KIAA1217: variants seen among roughly 807,000 people sequenced by gnomAD.
The protein encoded by KIAA1217 is KIAA1217.
Under a neutral mutation model 163.9 loss-of-function variants are expected in KIAA1217, and 88 were observed. The observed-to-expected ratio is 0.54, with a 90% CI of 0.45 to 0.64. The LOEUF is 0.64. Among genes scored for constraint, KIAA1217 ranks in the 30% least tolerant of loss-of-function variants. The pLI is 0.00. For missense variants in KIAA1217, 2,372 were observed against 2,475.0 expected (o/e 0.96, Z 0.88); for synonymous variants, 903 against 923.1 (o/e 0.98, Z 0.39).
chr10:24,546,171 TTCCTCCTCCCC>T lies in KIAA1217; in HGVS notation c.5684_5694del (p.Ser1895PhefsTer52), dbSNP rs770943769. 4 of 1,614,018 alleles carry T rather than the reference TTCCTCCTCCCC, an allele frequency of 2.5e-6. No individual in the cohort carries two copies. The highest frequency in any genetic ancestry group is 3.4e-6 in the Non-Finnish European group (4 of 1,180,038). ...GCCGAGCACCCCCTCCTTTGTCATT[TTCCTCCTCCCC>T]TCCTTCTCCTGCCTCCTCCGTCTCA... On this transcript the variant is annotated frameshift_variant, in exon 21 of 21. Coordinates refer to ENST00000376454, the MANE Select transcript of KIAA1217 (RefSeq NM_019590.5). LOFTEE classifies it high-confidence loss of function.
At chr10:24,413,516 CT>C (rs376108342) in intron 3 of KIAA1217, among the ~76,000 whole-genome samples, 4 of 152,282 alleles carry the variant, frequency 2.6e-5, no homozygotes, top group African/African-American at 9.6e-5. Flanking sequence ...TTGACCTCAT[CT>C]TGTCACACCT....
chr10:24,042,562 C>T (rs139913003), intron 2 of KIAA1217: 2 of 152,216 alleles, frequency 1.3e-5, no homozygotes, highest in South Asian at 4.2e-4. Flanking sequence ...CAATACTGAC[C>T]GGTAACTTCA....
chr10:24,156,039 T>C lies in KIAA1217; in HGVS notation c.-170-63587T>C, dbSNP rs1232834835. Among the ~76,000 whole-genome samples the C allele has an allele frequency of 2.0e-5, 3 of 152,284 alleles. 1 individual carries two copies. Among genetic ancestry groups the C allele is most frequent in the South Asian group, 2.1e-4 (1 of 4,826 alleles). On this transcript the variant is annotated intron_variant, in intron 2 of 18. Transcript: ENST00000376462. ...TTAGTAACTGCACACATTTAAATTT[T>C]CCCATTTGATAAACCTCAACGTATG...
At chr10:24,345,197 C>T (rs189255848) in intron 2 of KIAA1217, among the ~76,000 whole-genome samples, 2 of 152,308 alleles carry the variant, frequency 1.3e-5, no homozygotes, top group African/African-American at 4.8e-5. Context: ...CATTTTCCTC[C>T]TAACACACAC....
chr10:24,418,509 T>TA (rs1438841135), intron 3 of KIAA1217, among the ~76,000 whole-genome samples: 16 of 152,176 alleles, frequency 1.1e-4, no homozygotes, highest in South Asian at 4.1e-4. Flanking sequence ...GCAAATTACA[T>TA]AAAAAATAGC....
At chr10:23,801,536 C>T (rs1836467531) in intron 1 of KIAA1217, among the ~76,000 whole-genome samples, 1 of 152,204 alleles carries the variant, frequency 6.6e-6, no homozygotes, top group Non-Finnish European at 1.5e-5. Flanking sequence ...GATAGTCTGA[C>T]TCCATCCAAG....
rs980471415 is a variant in KIAA1217 at position 24,335,607 on chromosome 10, TATTTATTTATTTATTTATTG to T, written c.355-45261_355-45242del. On this transcript the variant is annotated intron_variant, in intron 2 of 20. Transcript: ENST00000376454. Reference sequence around the variant, plus strand: ...TATTTTATTTATTTATTTATTTATTTATTTATTTATTTATTTATTGGAGATGGAGTCTCGTTCTGTCGCCC... The same window carrying T: ...TATTTTATTTATTTATTTATTTATTTGAGATGGAGTCTCGTTCTGTCGCCC... Among the ~76,000 whole-genome samples, 31 of 145,440 alleles carry T rather than the reference TATTTATTTATTTATTTATTG, an allele frequency of 2.1e-4. No individual in the cohort carries two copies. In the South Asian group the frequency reaches 3.4e-3, roughly 16 times the overall value.
At chr10:24,329,028 C>T (rs1160416199) in intron 2 of KIAA1217, among the ~76,000 whole-genome samples, 1 of 148,264 alleles carries the variant, frequency 6.7e-6, no homozygotes, top group East Asian at 2.0e-4. Flanking sequence ...TAGCACATAG[C>T]ATATACTATA....
chr10:23,997,394 G>A (rs889548834), intron 1 of KIAA1217, among the ~76,000 whole-genome samples: 6 of 152,070 alleles, frequency 3.9e-5, no homozygotes, highest in South Asian at 2.1e-4. Context: ...AAAGAGCTTC[G>A]CTAATCATTT....
chr10:24,069,185 T>G (rs2061087881), intron 2 of KIAA1217, among the ~76,000 whole-genome samples: 2 of 152,182 alleles, frequency 1.3e-5, no homozygotes, highest in Non-Finnish European at 2.9e-5. Flanking sequence ...GGCTGAGCAT[T>G]TGCTGGACCC....
intron 3 of KIAA1217, among the ~76,000 whole-genome samples, chr10:24,382,495 GTCAAATTAAATTTTGATCAAATTAAGA>G (rs547637332): frequency 1.6e-3 from 241 of 151,964 alleles, no homozygotes; most frequent in African/African-American, 5.5e-3. Flanking sequence ...TAAATTTTGT[GTCAAATTAAATTTTGATCAAATTAAGA>G]TCAAATTAAA....
intron 6 of KIAA1217, among the ~76,000 whole-genome samples, chr10:24,491,035 A>T (rs1266371878): frequency 6.6e-6 from 1 of 152,082 alleles, no homozygotes; most frequent in Non-Finnish European, 1.5e-5. Context: ...GAAGAATAGG[A>T]TGTTGTTTGG....
intron 2 of KIAA1217, among the ~76,000 whole-genome samples, chr10:24,109,154 A>G (rs2062744663): frequency 6.6e-6 from 1 of 152,076 alleles, no homozygotes; most frequent in African/African-American, 2.4e-5. Context: ...TTTGAATTTC[A>G]CTTTATTTGT....
At chr10:24,519,844 A>C (rs1489107367) in intron 10 of KIAA1217, among the ~76,000 whole-genome samples, 1 of 151,990 alleles carries the variant, frequency 6.6e-6, no homozygotes, top group East Asian at 1.9e-4. Context: ...CCACTGAATA[A>C]AAAGACTCGG....
intron 1 of KIAA1217, among the ~76,000 whole-genome samples, chr10:23,728,891 A>G (rs938172271): frequency 6.6e-6 from 1 of 152,148 alleles, no homozygotes; most frequent in South Asian, 2.1e-4. Context: ...ACATGTATCC[A>G]CCATTTGTGG....
chr10:24,519,376 G>C (rs1776829287), intron 10 of KIAA1217, among the ~76,000 whole-genome samples: 1 of 152,152 alleles, frequency 6.6e-6, no homozygotes, highest in African/African-American at 2.4e-5. Context: ...CAGACACCAC[G>C]TCTGTCGTCA....
intron 5 of KIAA1217, among the ~76,000 whole-genome samples, chr10:24,458,572 T>G (rs1411809550): frequency 6.6e-6 from 1 of 152,174 alleles, no homozygotes; most frequent in Non-Finnish European, 1.5e-5. Flanking sequence ...AATGCAAGAT[T>G]ATTCTAGCAC....
chr10:24,545,241 A>C, intron 20 of KIAA1217, 138 bp downstream of exon 20: 1 of 1,447,002 alleles, frequency 6.9e-7, no homozygotes, highest in South Asian at 1.5e-5. Context: ...GGCATGAAGA[A>C]AGTCTAAATA....
intron 15 of KIAA1217, 106 bp from the exon 16 acceptor site, chr10:24,532,964 T>C: frequency 1.0e-6 from 1 of 961,374 alleles, no homozygotes; most frequent in South Asian, 3.0e-5. Flanking sequence ...TCAGCTAAGA[T>C]CTAGGAAGCA....
Sources: gnomAD v4.1 joint callset for allele counts (sites outside exome capture counted in the v4.1 genomes callset) on GRCh38, gnomAD v4.1.1 for gene constraint, MANE v1.5 for transcripts, NCBI Gene and HGNC (gene_info 2026-07-23, HGNC 2026-07-21) for gene names.